Variants in CFHR4 observed in about 807,000 individuals in gnomAD.
The protein encoded by CFHR4 is complement factor H related 4, also known as complement factor H-related protein 4.
CFHR4 carries 64 observed loss-of-function variants against 69.3 expected under a neutral mutation model. The observed-to-expected ratio is 0.92, with a 90% CI of 0.76 to 1.14. The LOEUF (loss-of-function observed/expected upper bound fraction) is 1.14, where lower values mean the gene tolerates loss of function less well. Ranked by LOEUF, CFHR4 falls within the 50% of genes most tolerant of loss-of-function variation. CFHR4 has a pLI of 0.00. For synonymous variants in CFHR4, 244 were observed against 237.0 expected, an observed-to-expected ratio of 1.03 and a Z score of -0.27; for missense variants, 636 against 684.9, an observed-to-expected ratio of 0.93 and a Z score of 0.80.
chr1:196,891,989 A>T lies in CFHR4; in HGVS notation c.58+3781A>T, dbSNP rs1657064493. On this transcript the variant is annotated intron_variant, in intron 1 of 9. Coordinates refer to ENST00000608469, the MANE Select transcript of CFHR4 (RefSeq NM_001201550.3). Reference sequence around the variant, plus strand: ...TTTATTTCTGGAGATAATTTGCTACATTTCAGATTTTTTCTTATGTTATAG... The same window carrying T: ...TTTATTTCTGGAGATAATTTGCTACTTTTCAGATTTTTTCTTATGTTATAG... Among the ~76,000 whole-genome samples the T allele has an allele frequency of 1.3e-5, 2 of 151,512 alleles. 1 individual carries two copies. The highest frequency in any genetic ancestry group is 4.9e-5 in the African/African-American group (2 of 41,052).
At chr1:196,892,022 T>C (rs1657067088) in intron 1 of CFHR4, among the ~76,000 whole-genome samples, 1 of 151,596 alleles carries the variant, frequency 6.6e-6, no homozygotes, top group South Asian at 2.1e-4. Flanking sequence ...TAGTAATATT[T>C]CTTTTCTCTA....
chr1:196,905,416 C>T (rs1657857187), intron 3 of CFHR4, 126 bp downstream of exon 3: 1 of 1,325,136 alleles, frequency 7.5e-7, no homozygotes, highest in Admixed American at 2.5e-5. Flanking sequence ...CTTCTAACAT[C>T]ATCTAACATT....
At chr1:196,898,919 A>G (rs541962673) in intron 1 of CFHR4, among the ~76,000 whole-genome samples, 13 of 151,664 alleles carry the variant, frequency 8.6e-5, no homozygotes, top group Non-Finnish European at 2.9e-5. Context: ...ACATTTCTCC[A>G]GAGCTAAAGA....
intron 1 of CFHR4, among the ~76,000 whole-genome samples, chr1:196,896,767 G>C (rs934080132): frequency 2.0e-5 from 3 of 151,572 alleles, no homozygotes; most frequent in African/African-American, 7.3e-5. Context: ...ACAAATTCTG[G>C]CCATGCAACT....
chr1:196,906,653 G>A (rs1312416864), intron 3 of CFHR4, among the ~76,000 whole-genome samples: 7 of 151,314 alleles, frequency 4.6e-5, no homozygotes, highest in African/African-American at 1.2e-4. Flanking sequence ...TTTGAATAAT[G>A]AGAAGGATCA....
In CFHR4 at chr1:196,915,127, C is replaced by A. The variant is rs1368404578; in HGVS notation, c.1529C>A (p.Pro510Gln). The change falls in exon 9 of 10, where the codon CCA (proline) becomes CAA (glutamine). Residue 510 changes from proline to glutamine, a missense_variant. Pro to Gln is a moderately conservative substitution (Grantham distance 76). Around this residue, in one of 3 missense-constraint regions of CFHR4, gnomAD observed 22 missense variants for 72.8 expected, o/e 0.30. Coordinates refer to ENST00000608469, the MANE Select transcript of CFHR4 (RefSeq NM_001201550.3). ...AGTAATGGAGAGTGGTCGGAACCAC[C>A]AAGATGCATACGTAAGTTCTTAAAA... ...TCSNGEWSEPPRCIHPCIITE... is the reference protein window; with the variant it reads ...TCSNGEWSEPQRCIHPCIITE... The A allele has an allele frequency of 1.9e-6, 3 of 1,608,926 alleles. No individual in the cohort carries two copies. Among genetic ancestry groups the A allele is most frequent in the Middle Eastern group, 1.7e-4 (1 of 6,044 alleles).
At chr1:196,917,787 G>T (rs924548886) in intron 9 of CFHR4, among the ~76,000 whole-genome samples, 1 of 151,570 alleles carries the variant, frequency 6.6e-6, no homozygotes, top group Non-Finnish European at 1.5e-5. Context: ...TATAAACATA[G>T]AATTAAATTA....
chr1:196,902,096 C>T (rs1366176661), intron 1 of CFHR4, among the ~76,000 whole-genome samples: 1 of 151,412 alleles, frequency 6.6e-6, no homozygotes, highest in Non-Finnish European at 1.5e-5. Context: ...TGGGATGGAA[C>T]AGAAAGAAAA....
intron 5 of CFHR4, among the ~76,000 whole-genome samples, chr1:196,908,113 A>G (rs1658016080): frequency 6.6e-6 from 1 of 151,312 alleles, no homozygotes; most frequent in South Asian, 2.1e-4. Context: ...AACAAGGAGA[A>G]CAGGTGGACT....
chr1:196,905,003 C>A, intron 2 of CFHR4, 105 bp from the exon 3 acceptor site: 1 of 1,086,154 alleles, frequency 9.2e-7, no homozygotes, highest in Non-Finnish European at 1.3e-6. Flanking sequence ...AATTCATTAA[C>A]AGATGTTTCA....
intron 1 of CFHR4, among the ~76,000 whole-genome samples, chr1:196,901,751 TA>T (rs1657620421): frequency 6.6e-6 from 1 of 151,390 alleles, no homozygotes; most frequent in Admixed American, 6.6e-5. Flanking sequence ...AAATATACTG[TA>T]AAAAATATTG....
At chr1:196,902,761 G>A in intron 2 of CFHR4, 146 bp downstream of exon 2, 1 of 581,526 alleles carries the variant, frequency 1.7e-6, no homozygotes, top group Non-Finnish European at 3.0e-6. Flanking sequence ...GATCTTTTTT[G>A]TTATGAGATC....
chr1:196,916,335 A>G (rs527989596), intron 9 of CFHR4, among the ~76,000 whole-genome samples: 1 of 152,056 alleles, frequency 6.6e-6, no homozygotes, highest in African/African-American at 2.4e-5. Context: ...ACCTATTCCT[A>G]TCACAGCTCT....
At position 196,912,388 on chromosome 1, in the gene CFHR4, T is replaced by A. The variant is rs182901576; in HGVS notation, c.998-352T>A. 7.2e-3 allele frequency among the ~76,000 whole-genome samples: 1,099 copies of A among 151,600 alleles called. 18 individuals carry two copies. Among genetic ancestry groups the A allele is most frequent in the Non-Finnish European group, 0.013 (849 of 67,916 alleles). On this transcript the variant is annotated intron_variant, in intron 6 of 9. Transcript: ENST00000608469. Reference sequence around the variant, plus strand: ...CTTAAGGAGGTTTAAGACCCCTTAATAGTACCAAAAATACTCAGGTTGTTG... The same window carrying A: ...CTTAAGGAGGTTTAAGACCCCTTAAAAGTACCAAAAATACTCAGGTTGTTG...
intron 1 of CFHR4, among the ~76,000 whole-genome samples, chr1:196,899,929 T>C (rs1210501456): frequency 1.3e-5 from 2 of 151,598 alleles, no homozygotes; most frequent in African/African-American, 4.9e-5. Context: ...TGTCTGCCCA[T>C]AGTTTAACGG....
At chr1:196,917,275 C>T (rs1214772462) in intron 9 of CFHR4, among the ~76,000 whole-genome samples, 71 of 151,736 alleles carry the variant, frequency 4.7e-4, no homozygotes, top group African/African-American at 1.7e-3. Context: ...AAATGAAAAG[C>T]TTGCTATGTA....
chr1:196,906,013 A>G (rs1657891598), intron 3 of CFHR4, among the ~76,000 whole-genome samples: 2 of 151,662 alleles, frequency 1.3e-5, no homozygotes, highest in Non-Finnish European at 2.9e-5. Context: ...CTCTTTAGGC[A>G]TTCACCAAGA....
At position 196,910,307 on chromosome 1, in the gene CFHR4, A is replaced by T. The variant is rs199583121; in HGVS notation, c.826A>T (p.Ile276Phe). Residue 276 changes from isoleucine to phenylalanine, a missense_variant, in exon 6 of 10, where the codon ATT becomes TTT. Ile to Phe is a conservative substitution (Grantham distance 21). Transcript: ENST00000608469. ...ISMKPCEFPE[I>F]QHGHLYYENT... ...AATGAAACCTTGTGAGTTTCCAGAA[A>T]TTCAACATGGACATCTATATTATGA... 1 of 1,600,948 alleles carries T rather than the reference A, an allele frequency of 6.2e-7. No homozygotes were observed. The highest frequency in any genetic ancestry group is 8.5e-7 in the Non-Finnish European group (1 of 1,173,054).
rs1267929514 is a variant in CFHR4 at position 196,910,177 on chromosome 1, A to G, written c.800-104A>G. ...AAAAAAAAAAAAAAGTAAAGAAAAA[A>G]AAAAACATTATTTGGAAGGTAACAT... On this transcript the variant is annotated intron_variant, in intron 5 of 9. Transcript: ENST00000608469. 6 of 754,336 alleles carry G rather than the reference A, an allele frequency of 8.0e-6. No individual in the cohort carries two copies. In the African/African-American group the frequency reaches 1.1e-4, roughly 14 times the overall value. 46.7% of individuals were successfully genotyped at this position (754,336 alleles called of 1,614,324 possible). A position where few individuals can be genotyped will look rare whatever the true frequency, so the allele number is the denominator to read the frequency against.
Sources: gnomAD v4.1 joint callset for allele counts (sites outside exome capture counted in the v4.1 genomes callset) on GRCh38, gnomAD v4.1.1 for gene constraint, gnomAD v4.1.1 regional missense constraint, MANE v1.5 for transcripts, NCBI Gene and HGNC (gene_info 2026-07-23, HGNC 2026-07-21) for gene names.